The following SNX7 variants were observed in gnomAD, a reference collection of about 807,000 sequenced individuals.
The protein encoded by SNX7 is sorting nexin 7.
A neutral mutation model predicts 48.4 loss-of-function variants in SNX7; 35 were observed. The ratio of observed to expected loss-of-function variants is 0.72; its 90% confidence interval spans 0.55 to 0.96. The LOEUF (loss-of-function observed/expected upper bound fraction) is 0.96, where lower values mean the gene tolerates loss of function less well. Among genes scored for constraint, SNX7 ranks in the 40% least tolerant of loss-of-function variants. The pLI is 0.00. For synonymous variants in SNX7, 190 were observed against 190.2 expected (o/e 1.00, Z 0.01); for missense variants, 553 against 548.9 (o/e 1.01, Z -0.07).
intron 4 of SNX7, 85 bp from the exon 5 acceptor site, chr1:98,695,433 A>T (rs1231577363): frequency 1.0e-5 from 13 of 1,271,990 alleles, no homozygotes; most frequent in Admixed American, 4.5e-5. Flanking sequence ...TCTTGATTTT[A>T]TTCTCCTAAT....
intron 7 of SNX7, among the ~76,000 whole-genome samples, chr1:98,726,910 TTAAAAA>T (rs1221370055): frequency 5.9e-5 from 9 of 152,172 alleles, no homozygotes; most frequent in Middle Eastern, 3.2e-3. Context: ...TAATAGGCAC[TTAAAAA>T]TAAAGTTTTT....
rs1234761797 is a variant in SNX7, at chr1:98,760,347, T to G, written c.*216T>G. The G allele has an allele frequency of 2.6e-6, 1 of 385,426 alleles. No homozygotes were observed. Among genetic ancestry groups the G allele is most frequent in the Non-Finnish European group, 4.7e-6 (1 of 215,034 alleles). The allele number at this position is 385,426 out of a possible 1,614,324, so 23.9% of individuals were successfully genotyped here. A position where few individuals can be genotyped will look rare whatever the true frequency, so the allele number is the denominator to read the frequency against. ...ATATATCTATATGTATATAGATATA[T>G]AAATACAGAGAGATATCTGGCTTGG... On this transcript the variant is annotated 3_prime_UTR_variant, in exon 9 of 9. Coordinates refer to ENST00000306121, the MANE Select transcript of SNX7 (RefSeq NM_015976.5).
chr1:98,691,914 T>TACACACACAC (rs1553199327), intron 4 of SNX7, among the ~76,000 whole-genome samples: 61 of 133,574 alleles, frequency 4.6e-4, no homozygotes, highest in Admixed American at 3.4e-3. Context: ...TCCATATATA[T>TACACACACAC]ACACACACAC....
At chr1:98,741,421 A>G (rs1461546385) in intron 8 of SNX7, among the ~76,000 whole-genome samples, 1 of 152,174 alleles carries the variant, frequency 6.6e-6, no homozygotes, top group Non-Finnish European at 1.5e-5. Context: ...AACATGTAAT[A>G]ATCAATGTCA....
At chr1:98,726,808 C>G (rs1178140321) in intron 7 of SNX7, among the ~76,000 whole-genome samples, 2 of 152,160 alleles carry the variant, frequency 1.3e-5, no homozygotes, top group East Asian at 3.9e-4. Context: ...AATCTTAAGT[C>G]CCTGCTAGAC....
intron 7 of SNX7, among the ~76,000 whole-genome samples, chr1:98,734,398 A>G (rs6702126): frequency 0.57 from 85,960 of 151,946 alleles, 25,125 homozygotes; most frequent in Non-Finnish European, 0.64. Context: ...AGCTTGTCCA[A>G]TCAATGGCTG....
At chr1:98,731,530 A>G (rs1380872320) in intron 7 of SNX7, among the ~76,000 whole-genome samples, 1 of 152,088 alleles carries the variant, frequency 6.6e-6, no homozygotes, top group Non-Finnish European at 1.5e-5. Flanking sequence ...CTATACAGTC[A>G]TATGTTATTA....
intron 7 of SNX7, among the ~76,000 whole-genome samples, chr1:98,725,579 T>C (rs1325563439): frequency 6.6e-6 from 1 of 152,176 alleles, no homozygotes; most frequent in South Asian, 2.1e-4. Flanking sequence ...AAAAAGATGT[T>C]TGGAAGTCGA....
intron 1 of SNX7, among the ~76,000 whole-genome samples, chr1:98,675,450 A>G (rs1333528723): frequency 6.6e-6 from 1 of 152,142 alleles, no homozygotes; most frequent in African/African-American, 2.4e-5. Context: ...ATATCGAAGC[A>G]TATTTTTATG....
intron 1 of SNX7, among the ~76,000 whole-genome samples, chr1:98,677,975 G>C (rs2100925910): frequency 6.9e-6 from 1 of 144,070 alleles, no homozygotes; most frequent in African/African-American, 2.8e-5. Context: ...AGCTGTATGA[G>C]TCTGTGTGTG....
rs562872672 is a variant in SNX7, at chr1:98,752,215, C to G, written c.1279-7839C>G. Among the ~76,000 whole-genome samples the G allele has an allele frequency of 5.3e-5, 8 of 152,070 alleles. No homozygotes were observed. In the South Asian group the frequency reaches 1.7e-3, roughly 31 times the overall value. ...ATACTCACTGTAATAAATTACCTAA[C>G]TATATGGTATAAACAATATATTTCT... On this transcript the variant is annotated intron_variant, in intron 8 of 8. Transcript: ENST00000306121.
chr1:98,684,333 A>G (rs1650665545), intron 1 of SNX7, among the ~76,000 whole-genome samples: 1 of 152,194 alleles, frequency 6.6e-6, no homozygotes, highest in African/African-American at 2.4e-5. Context: ...TTTATAAATA[A>G]TAGAAATTGA....
intron 8 of SNX7, among the ~76,000 whole-genome samples, chr1:98,750,645 C>T (rs898655137): frequency 6.6e-6 from 1 of 151,830 alleles, no homozygotes; most frequent in Non-Finnish European, 1.5e-5. Flanking sequence ...CCCAAAATTG[C>T]CACCATAGAA....
chr1:98,664,875 T>TA (rs1249045959), intron 1 of SNX7, among the ~76,000 whole-genome samples: 2 of 151,296 alleles, frequency 1.3e-5, no homozygotes, highest in East Asian at 1.9e-4. Context: ...ACAGTAAAAA[T>TA]AAAAAAATAA....
In SNX7 at chr1:98,760,341, G is replaced by GAT; in HGVS notation, c.*216_*217dup. 2.4e-6 allele frequency: 1 copy of GAT among 408,278 alleles called. No individual in the cohort carries two copies. Among genetic ancestry groups the GAT allele is most frequent in the Non-Finnish European group, 4.4e-6 (1 of 227,642 alleles). The allele number at this position is 408,278 out of a possible 1,614,324, so 25.3% of individuals were successfully genotyped here. ...ATGGATATATATCTATATGTATATA[G>GAT]ATATATAAATACAGAGAGATATCTG... On this transcript the variant is annotated 3_prime_UTR_variant, in exon 9 of 9. Coordinates refer to ENST00000306121, the MANE Select transcript of SNX7 (RefSeq NM_015976.5).
intron 6 of SNX7, among the ~76,000 whole-genome samples, chr1:98,700,302 C>T (rs1430036575): frequency 6.6e-6 from 1 of 152,082 alleles, no homozygotes; most frequent in Non-Finnish European, 1.5e-5. Context: ...CACCAGTTGT[C>T]CTCTGAAGCA....
intron 5 of SNX7, 41 bp from the exon 6 acceptor site, chr1:98,698,665 T>G (rs962391554): frequency 6.4e-7 from 1 of 1,555,170 alleles, no homozygotes; most frequent in East Asian, 2.3e-5. Context: ...TTGAAAACTT[T>G]TGTTTATTGA....
intron 1 of SNX7, among the ~76,000 whole-genome samples, chr1:98,679,124 C>G (rs528944518): frequency 1.3e-5 from 2 of 152,276 alleles, no homozygotes; most frequent in South Asian, 4.2e-4. Context: ...ACTTACAATT[C>G]TGCATGGCTG....
intron 7 of SNX7, among the ~76,000 whole-genome samples, chr1:98,731,222 A>T (rs904721392): frequency 1.3e-5 from 2 of 151,976 alleles, no homozygotes; most frequent in Non-Finnish European, 2.9e-5. Context: ...AAGAATAAAA[A>T]TTTTTTAAAA....
Sources: allele counts gnomAD v4.1 joint callset (sites outside exome capture counted in the v4.1 genomes callset), GRCh38; gene constraint gnomAD v4.1.1; transcripts MANE v1.5; gene names NCBI Gene and HGNC (gene_info 2026-07-23, HGNC 2026-07-21).